HYDIN: variants seen among roughly 807,000 people sequenced by gnomAD.
HYDIN encodes the protein HYDIN axonemal central pair apparatus protein.
HYDIN carries 132 observed loss-of-function variants against 403.9 expected under a neutral mutation model. The ratio of observed to expected loss-of-function variants is 0.33; its 90% CI spans 0.28 to 0.38. The LOEUF (loss-of-function observed/expected upper bound fraction) is 0.38, where lower values mean the gene tolerates loss of function less well. Among genes scored for constraint, HYDIN ranks in the 10% least tolerant of loss-of-function variants. HYDIN has a pLI of 1.00. For synonymous variants in HYDIN, 1,202 were observed against 1,891.7 expected (o/e 0.64, Z 9.46); for missense variants, 2,827 against 5,009.5 (o/e 0.56, Z 13.15).
intron 39 of HYDIN, among the ~76,000 whole-genome samples, chr16:70,957,096 C>T (rs956940025): frequency 4.6e-5 from 7 of 151,006 alleles, no homozygotes; most frequent in African/African-American, 1.5e-4. Context: ...GTCATCTTCC[C>T]GAACTGAAAC....
chr16:71,032,309 T>C (rs2080942751), intron 18 of HYDIN, among the ~76,000 whole-genome samples: 1 of 139,336 alleles, frequency 7.2e-6, no homozygotes, highest in South Asian at 2.2e-4. Context: ...TCCTTTTTGT[T>C]TTTTTTTTTT....
intron 58 of HYDIN, among the ~76,000 whole-genome samples, chr16:70,884,936 C>A (rs2041042207): frequency 6.6e-6 from 1 of 152,246 alleles, no homozygotes; most frequent in African/African-American, 2.4e-5. Context: ...CTCTGGAGCA[C>A]AAAATCCAGG....
chr16:70,953,487 TC>T (rs1339283173), intron 40 of HYDIN, among the ~76,000 whole-genome samples: 1 of 152,088 alleles, frequency 6.6e-6, no homozygotes, highest in East Asian at 1.9e-4. Context: ...TTCCTAAGGC[TC>T]TGGGGCCCTT....
chr16:70,818,496 A>T lies in HYDIN; in HGVS notation c.14504T>A (p.Ile4835Asn), dbSNP rs1305812058. ...VSFRVIPSGI[I>N]KTIEMVTPVR... ...TGGGGTCACCATCTCGATGGTTTTG[A>T]TGATGCCTGAAGGGATGACCCTGAA... Residue 4835 changes from isoleucine (I) to asparagine (N), a missense_variant, in exon 84 of 86, where the codon ATC (isoleucine) becomes AAC (asparagine). Ile to Asn is a moderately radical substitution (Grantham distance 149). Transcript: ENST00000393567. 19 of 1,463,204 alleles carry T rather than the reference A, an allele frequency of 1.3e-5. No individual in the cohort carries two copies. The highest frequency in any genetic ancestry group is 1.5e-5 in the Non-Finnish European group (16 of 1,059,518). The allele number at this position is 1,463,204 out of a possible 1,614,324, so 90.6% of individuals were successfully genotyped here.
At chr16:71,228,369 C>A (rs1050776252) in intron 1 of HYDIN, among the ~76,000 whole-genome samples, 3 of 152,164 alleles carry the variant, frequency 2.0e-5, no homozygotes, top group Non-Finnish European at 4.4e-5. Context: ...TCAGAGTGAA[C>A]AGGCAACCTA....
intron 1 of HYDIN, among the ~76,000 whole-genome samples, chr16:71,228,344 CA>C (rs2041131099): frequency 6.6e-6 from 1 of 152,116 alleles, no homozygotes; most frequent in Non-Finnish European, 1.5e-5. Context: ...TTCTGCACAG[CA>C]AAAGAAACTA....
At chr16:70,900,914 CTGTGTG>C (rs58190033) in intron 53 of HYDIN, 84 bp downstream of exon 53, 4,426 of 380,098 alleles carry the variant, frequency 0.012, 28 homozygotes, top group African/African-American at 0.038. Flanking sequence ...AGGGAGACCT[CTGTGTG>C]TGTGTGTGTG....
At chr16:71,184,448 G>C (rs967309256) in intron 3 of HYDIN, among the ~76,000 whole-genome samples, 1 of 152,142 alleles carries the variant, frequency 6.6e-6, no homozygotes, top group South Asian at 2.1e-4. Context: ...TACTGGAAAT[G>C]AGCCAGAATA....
chr16:70,836,265 TG>T (rs2037419555), intron 77 of HYDIN, among the ~76,000 whole-genome samples: 1 of 151,690 alleles, frequency 6.6e-6, no homozygotes, highest in Non-Finnish European at 1.5e-5. Flanking sequence ...CCAGAGGGAG[TG>T]GCCCAGTGAA....
rs181914090 is a variant in HYDIN, at chr16:71,039,437, C to T, written c.2530-7520G>A. Among the ~76,000 whole-genome samples, 780 of 152,310 alleles carry T rather than the reference C, an allele frequency of 5.1e-3. 6 individuals carry two copies. The highest frequency in any genetic ancestry group is 0.016 in the South Asian group (76 of 4,820). ...GGGTGGGTCCCTGGCGAAACCCTAC[C>T]TTTAAGCTGAAAAGCCGGAACCTGT... On this transcript the variant is annotated intron_variant, in intron 18 of 85. Transcript: ENST00000393567.
intron 12 of HYDIN, 39 bp from the exon 13 acceptor site, chr16:71,079,991 T>C (rs572888901): frequency 1.4e-6 from 1 of 700,102 alleles, no homozygotes; most frequent in African/African-American, 1.8e-5. Context: ...AGGGAGAGAA[T>C]CCAGTGAATC....
intron 47 of HYDIN, among the ~76,000 whole-genome samples, chr16:70,915,272 G>T (rs1270121801): frequency 6.6e-6 from 1 of 152,192 alleles, no homozygotes; most frequent in African/African-American, 2.4e-5. Flanking sequence ...GGTAGGCTCT[G>T]TCAGAGGGAA....
chr16:71,179,504 T>C (rs2144651180), intron 3 of HYDIN, among the ~76,000 whole-genome samples: 1 of 152,334 alleles, frequency 6.6e-6, no homozygotes, highest in Middle Eastern at 3.4e-3. Flanking sequence ...GAGAAGAGAA[T>C]TTCTCTTAGA....
intron 1 of HYDIN, among the ~76,000 whole-genome samples, chr16:71,199,780 G>A (rs549346086): frequency 1.3e-5 from 2 of 152,252 alleles, no homozygotes; most frequent in African/African-American, 2.4e-5. Flanking sequence ...ATTCAGAAAA[G>A]GAATTTTTTT....
At chr16:71,032,514 T>G (rs2080952458) in intron 18 of HYDIN, among the ~76,000 whole-genome samples, 2 of 146,602 alleles carry the variant, frequency 1.4e-5, no homozygotes, top group Admixed American at 6.9e-5. Context: ...AGACATGTGT[T>G]ACTTAATGAC....
At chr16:71,019,409 T>G (rs2080388410) in intron 22 of HYDIN, among the ~76,000 whole-genome samples, 1 of 152,296 alleles carries the variant, frequency 6.6e-6, no homozygotes, top group African/African-American at 2.4e-5. Flanking sequence ...ATAAAGCCAC[T>G]CACCTGATTC....
At chr16:71,210,650 CTAAAA>C (rs1432318326) in intron 1 of HYDIN, among the ~76,000 whole-genome samples, 4 of 152,058 alleles carry the variant, frequency 2.6e-5, no homozygotes, top group South Asian at 4.2e-4. Context: ...ACCCCTGAAC[CTAAAA>C]TAAAAGTTAA....
intron 7 of HYDIN, among the ~76,000 whole-genome samples, chr16:71,137,973 C>T (rs1487985050): frequency 6.6e-6 from 1 of 151,238 alleles, no homozygotes; most frequent in Non-Finnish European, 1.5e-5. Context: ...TGGATAGTGG[C>T]CACATAAAAA....
chr16:70,951,289 G>GGAGA (rs541452705), intron 41 of HYDIN, among the ~76,000 whole-genome samples: 1 of 135,750 alleles, frequency 7.4e-6, no homozygotes, highest in East Asian at 2.1e-4. Flanking sequence ...AGGGAGAGAG[G>GGAGA]GAGAGAGAGA....
Sources: allele counts gnomAD v4.1 joint callset (sites outside exome capture counted in the v4.1 genomes callset), GRCh38; gene constraint gnomAD v4.1.1; transcripts MANE v1.5; gene names NCBI Gene and HGNC (gene_info 2026-07-23, HGNC 2026-07-21).